Variants in KCND3 observed in about 807,000 individuals in gnomAD.
KCND3 encodes potassium voltage-gated channel subfamily D member 3, also known as A-type voltage-gated potassium channel KCND3.
In KCND3, 9 loss-of-function variants were observed where a neutral mutation model predicts 51.1. The observed-to-expected ratio is 0.18, with a 90% CI of 0.11 to 0.31. KCND3 has a LOEUF of 0.31. Among genes scored for constraint, KCND3 ranks in the 10% least tolerant of loss-of-function variants. KCND3 has a pLI of 1.00. For synonymous variants in KCND3, 349 were observed against 368.0 expected, an observed-to-expected ratio of 0.95 and a Z score of 0.59; for missense variants, 526 against 903.8, an observed-to-expected ratio of 0.58 and a Z score of 5.36.
intron 2 of KCND3, among the ~76,000 whole-genome samples, chr1:111,863,671 G>A (rs1668431969): frequency 1.3e-5 from 2 of 152,216 alleles, no homozygotes; most frequent in Non-Finnish European, 1.5e-5. Flanking sequence ...GGCTCTGGTG[G>A]CTCATGATGA....
At chr1:111,976,169 A>T (rs1305845810) in intron 2 of KCND3, among the ~76,000 whole-genome samples, 1 of 152,190 alleles carries the variant, frequency 6.6e-6, no homozygotes, top group Non-Finnish European at 1.5e-5. Context: ...ACATTTGTTG[A>T]GTAAATAACT....
chr1:111,986,396 A>T (rs1190541408), intron 1 of KCND3, among the ~76,000 whole-genome samples: 1 of 152,216 alleles, frequency 6.6e-6, no homozygotes, highest in Non-Finnish European at 1.5e-5. Flanking sequence ...TGATCACCTC[A>T]CTGCCAAATG....
intron 2 of KCND3, among the ~76,000 whole-genome samples, chr1:111,838,675 GC>G (rs1667186841): frequency 6.6e-6 from 1 of 150,874 alleles, no homozygotes; most frequent in African/African-American, 2.5e-5. Context: ...AAAAACAAAA[GC>G]AAAAACAACA....
At chr1:111,823,482 T>A (rs1408072283) in intron 2 of KCND3, among the ~76,000 whole-genome samples, 1 of 152,208 alleles carries the variant, frequency 6.6e-6, no homozygotes, top group African/African-American at 2.4e-5. Flanking sequence ...CTTTAAAGAC[T>A]GAGCTGCTCT....
rs997941598 is a variant in KCND3 at position 111,989,622 on chromosome 1, A to C, written c.-190T>G. The C allele has an allele frequency of 3.4e-5, 5 of 148,330 alleles. No homozygotes were observed. Among genetic ancestry groups the C allele is most frequent in the African/African-American group, 1.2e-4 (5 of 40,974 alleles). The allele number at this position is 148,330 out of a possible 1,614,324, so 9.2% of individuals were successfully genotyped here. On this transcript the variant is annotated 5_prime_UTR_variant, in exon 1 of 8. Coordinates refer to ENST00000302127, the MANE Select transcript of KCND3 (RefSeq NM_001378969.1). Reference sequence around the variant, plus strand: ...CCAGCAGCGCGGGGAAGCGCCCAGCAGCCGCCGCTCGCGCGGCTCCTCCTC... The same window carrying C: ...CCAGCAGCGCGGGGAAGCGCCCAGCCGCCGCCGCTCGCGCGGCTCCTCCTC...
chr1:111,866,623 C>CACACACACAT (rs55673293), intron 2 of KCND3, among the ~76,000 whole-genome samples: 4 of 150,668 alleles, frequency 2.7e-5, no homozygotes, highest in Admixed American at 2.0e-4. Context: ...CACACACACA[C>CACACACACAT]GGCTGAGAAG....
intron 2 of KCND3, among the ~76,000 whole-genome samples, chr1:111,897,855 AAC>A (rs1284058804): frequency 6.6e-6 from 1 of 152,230 alleles, no homozygotes; most frequent in Non-Finnish European, 1.5e-5. Flanking sequence ...AGAATAGACA[AAC>A]ACAGGCCAGG....
In KCND3 at chr1:111,892,684, T is replaced by C. The variant is rs1043958368; in HGVS notation, c.1106+88937A>G. On this transcript the variant is annotated intron_variant, in intron 2 of 7. Coordinates refer to ENST00000302127, the MANE Select transcript of KCND3 (RefSeq NM_001378969.1). ...CCACGCAGAGAATAACAATGGGTAA[T>C]GTGATCGGATGGAGTGGGGCTCCCC... 2.6e-5 allele frequency among the ~76,000 whole-genome samples: 4 copies of C among 152,278 alleles called. No individual in the cohort carries two copies. The East Asian group carries it at 7.7e-4, about 29-fold the overall frequency.
chr1:111,850,966 A>T (rs1667790155), intron 2 of KCND3, among the ~76,000 whole-genome samples: 1 of 152,300 alleles, frequency 6.6e-6, no homozygotes, highest in South Asian at 2.1e-4. Flanking sequence ...CTCCTTGTGT[A>T]TCTCTCATCC....
chr1:111,850,696 C>T (rs1667774642), intron 2 of KCND3, among the ~76,000 whole-genome samples: 2 of 152,196 alleles, frequency 1.3e-5, no homozygotes, highest in Admixed American at 1.3e-4. Context: ...AGGACTTTCT[C>T]GTGTTTGTCT....
chr1:111,939,796 G>T (rs2920583), intron 2 of KCND3, among the ~76,000 whole-genome samples: 152,193 of 152,336 alleles, frequency 1, 76,025 homozygotes, highest in Non-Finnish European at 1. Flanking sequence ...TTGAGGAATC[G>T]CCACACTGTC....
chr1:111,939,065 C>A (rs1672361373), intron 2 of KCND3, among the ~76,000 whole-genome samples: 1 of 152,172 alleles, frequency 6.6e-6, no homozygotes, highest in Non-Finnish European at 1.5e-5. Context: ...GAATCACAGG[C>A]CTCACTCAGA....
intron 2 of KCND3, among the ~76,000 whole-genome samples, chr1:111,804,982 G>T (rs189060382): frequency 2.6e-5 from 4 of 152,302 alleles, no homozygotes; most frequent in African/African-American, 4.8e-5. Flanking sequence ...TCCCCTGAGG[G>T]CCCGTGTGAG....
intron 2 of KCND3, among the ~76,000 whole-genome samples, chr1:111,812,105 G>T (rs1036651725): frequency 6.6e-6 from 1 of 152,188 alleles, no homozygotes; most frequent in African/African-American, 2.4e-5. Flanking sequence ...TGCTTGTGGG[G>T]TGTCGGGCAC....
chr1:111,922,759 A>G (rs1292573264), intron 2 of KCND3, among the ~76,000 whole-genome samples: 2 of 152,220 alleles, frequency 1.3e-5, no homozygotes, highest in East Asian at 3.9e-4. Context: ...GCATCTAGCA[A>G]TTAGCAGCTG....
chr1:111,881,428 C>T (rs1032901244), intron 2 of KCND3, among the ~76,000 whole-genome samples: 4 of 152,352 alleles, frequency 2.6e-5, no homozygotes, highest in Admixed American at 2.0e-4. Flanking sequence ...AACAGCTGCC[C>T]GCACAGGGCT....
intron 2 of KCND3, among the ~76,000 whole-genome samples, chr1:111,937,449 A>G (rs1038112250): frequency 1.9e-4 from 29 of 152,134 alleles, no homozygotes; most frequent in African/African-American, 6.8e-4. Flanking sequence ...AGGTGGGTGG[A>G]GGCCTGGCCC....
chr1:111,780,252 GTGA>G lies in KCND3; in HGVS notation c.1431_1433del (p.His478del), dbSNP rs1664314469. Reference sequence around the variant, plus strand: ...TGGTTTTTTCCAGGCAGTGCAGCAGGTGATGATGCTGGCTCTCGATGAGTGAGG... The same window carrying G: ...TGGTTTTTTCCAGGCAGTGCAGCAGGTGATGCTGGCTCTCGATGAGTGAGG... On this transcript the variant is annotated inframe_deletion, in exon 5 of 8. Coordinates refer to ENST00000302127, the MANE Select transcript of KCND3 (RefSeq NM_001378969.1). This position sits in a 1 kb window ranked among gnomAD's most constrained non-coding sequence, Gnocchi z 4.2. 6.3e-7 allele frequency: 1 copy of G among 1,591,292 alleles called. No individual in the cohort carries two copies. Among genetic ancestry groups the G allele is most frequent in the South Asian group, 1.1e-5 (1 of 87,028 alleles).
intron 2 of KCND3, among the ~76,000 whole-genome samples, chr1:111,854,570 G>A (rs1290624618): frequency 6.6e-6 from 1 of 152,184 alleles, no homozygotes; most frequent in Non-Finnish European, 1.5e-5. Flanking sequence ...GGCAGGCGTC[G>A]GGTGAGACAC....
Sources: gnomAD v4.1 joint callset for allele counts (sites outside exome capture counted in the v4.1 genomes callset) on GRCh38, gnomAD v4.1.1 for gene constraint, Gnocchi (gnomAD v3.1) non-coding constraint, MANE v1.5 for transcripts, NCBI Gene and HGNC (gene_info 2026-07-23, HGNC 2026-07-21) for gene names.